Variants in DISC1 observed in about 807,000 individuals in gnomAD.
DISC1 encodes DISC1 scaffold protein.
A neutral mutation model predicts 84.5 loss-of-function variants in DISC1; 57 were observed. That is an observed-to-expected ratio of 0.67 (90% CI 0.55 to 0.84). The LOEUF (loss-of-function observed/expected upper bound fraction) is 0.84. Ranked by LOEUF, DISC1 falls within the 40% of genes least tolerant of loss-of-function variation. DISC1 has a pLI of 0.00. For missense variants in DISC1, 1,000 were observed against 1,057.8 expected (o/e 0.95, Z 0.76); for synonymous variants, 411 against 415.2 (o/e 0.99, Z 0.12).
intron 10 of DISC1, among the ~76,000 whole-genome samples, chr1:231,982,361 C>G (rs1247969866): frequency 6.6e-6 from 1 of 152,060 alleles, no homozygotes; most frequent in Non-Finnish European, 1.5e-5. Context: ...TTCTCCTTCC[C>G]TCTTTCTTTT....
rs73093410 is a variant in DISC1, at chr1:231,849,753, A to G, written c.1981+31236A>G. 2.5e-3 allele frequency among the ~76,000 whole-genome samples: 381 copies of G among 152,294 alleles called. 2 individuals are homozygous for G. Among genetic ancestry groups the G allele is most frequent in the African/African-American group, 8.6e-3 (356 of 41,564 alleles). On this transcript the variant is annotated intron_variant, in intron 9 of 12. Coordinates refer to ENST00000439617, the MANE Select transcript of DISC1 (RefSeq NM_018662.3). Reference sequence around the variant, plus strand: ...AGTCGGATACCTTTTCTGATCCTCAATATAACCTTTGTCTTCTCACCACCA... The same window carrying G: ...AGTCGGATACCTTTTCTGATCCTCAGTATAACCTTTGTCTTCTCACCACCA...
chr1:231,651,607 C>T (rs1324194512), intron 1 of DISC1, among the ~76,000 whole-genome samples: 4 of 152,222 alleles, frequency 2.6e-5, no homozygotes, highest in African/African-American at 9.6e-5. Context: ...GGGAGAACCA[C>T]TGCTCTCTTC....
At chr1:231,965,948 T>C (rs1475305109) in intron 10 of DISC1, among the ~76,000 whole-genome samples, 1 of 152,220 alleles carries the variant, frequency 6.6e-6, no homozygotes, top group Non-Finnish European at 1.5e-5. Flanking sequence ...GTGAGCTCCT[T>C]GTAGATGGAG....
intron 6 of DISC1, among the ~76,000 whole-genome samples, chr1:231,780,304 T>C (rs1213197875): frequency 6.7e-6 from 1 of 149,094 alleles, no homozygotes; most frequent in Non-Finnish European, 1.5e-5. Context: ...TCTAAATTGA[T>C]AAATTGTGTG....
chr1:232,032,308 C>T (rs999113277), intron 12 of DISC1, among the ~76,000 whole-genome samples: 2 of 152,170 alleles, frequency 1.3e-5, no homozygotes, highest in Non-Finnish European at 2.9e-5. Context: ...CAGTAAAACA[C>T]TCAATTGTTT....
chr1:231,642,820 G>A (rs115763270), intron 1 of DISC1, among the ~76,000 whole-genome samples: 3,866 of 152,266 alleles, frequency 0.025, 169 homozygotes, highest in African/African-American at 0.088. Flanking sequence ...GTTCAGCTCA[G>A]CAGAGCGTCT....
intron 9 of DISC1, among the ~76,000 whole-genome samples, chr1:231,878,436 G>T (rs1274203143): frequency 2.6e-5 from 4 of 152,160 alleles, no homozygotes; most frequent in African/African-American, 9.7e-5. Context: ...AAGACTGCAA[G>T]GCCGCAGGGG....
At chr1:231,960,245 CTTAT>C (rs541805835) in intron 10 of DISC1, among the ~76,000 whole-genome samples, 9 of 151,972 alleles carry the variant, frequency 5.9e-5, no homozygotes, top group South Asian at 2.1e-4. Context: ...TTACCTTCTT[CTTAT>C]TTATTTATTT....
chr1:231,802,258 G>A (rs1177258030), intron 8 of DISC1, among the ~76,000 whole-genome samples: 1 of 152,096 alleles, frequency 6.6e-6, no homozygotes, highest in African/African-American at 2.4e-5. Context: ...TGGATCATGA[G>A]GGCGGTTTCC....
At position 231,740,716 on chromosome 1, in the gene DISC1, G is replaced by A. The variant is rs373693983; in HGVS notation, c.1118-9210G>A. The stretch of plus-strand genomic sequence containing the variant: ...ATATAATGAGATATCTTCAGGATAG[G>A]ACCCAAGCCTATACATGAAATTCAT... On this transcript the variant is annotated intron_variant, in intron 3 of 12. Transcript: ENST00000439617. 2.3e-3 allele frequency among the ~76,000 whole-genome samples: 356 copies of A among 152,260 alleles called. 3 individuals are homozygous for A. The highest frequency in any genetic ancestry group is 8.4e-3 in the African/African-American group (347 of 41,556).
Position 231,710,982 on chromosome 1 carries a change from A to G in DISC1, c.1117+8958A>G, listed in dbSNP as rs531262868. ...AAAATTTGAATAATTTAGTTTGACT[A>G]TCTGTGGTCATTGTGGTCATATGTA... On this transcript the variant is annotated intron_variant, in intron 3 of 12. Coordinates refer to ENST00000439617, the MANE Select transcript of DISC1 (RefSeq NM_018662.3). Among the ~76,000 whole-genome samples the G allele has an allele frequency of 2.6e-4, 40 of 152,296 alleles. No individual in the cohort carries two copies. In the South Asian group the frequency reaches 4.3e-3, roughly 17 times the overall value.
Position 231,675,851 on chromosome 1 carries a change from CTT to C in DISC1, c.68-17960_68-17959del, listed in dbSNP as rs201559788. ...GTATATTGTATTTGTTTTTTCTTTT[CTT>C]TTTTTTTTTTTTTTGACACAGAATT... is the stretch of plus-strand genomic sequence containing the variant. On this transcript the variant is annotated intron_variant, in intron 1 of 12. Transcript: ENST00000439617. The surrounding 1 kb of genome is among the most constrained non-coding windows in gnomAD (Gnocchi z 4.1). 4.5e-4 allele frequency among the ~76,000 whole-genome samples: 62 copies of C among 137,578 alleles called. No individual in the cohort carries two copies. The highest frequency in any genetic ancestry group is 8.0e-4 in the African/African-American group (30 of 37,450). 90.3% of individuals were successfully genotyped at this position (137,578 alleles called of 152,430 possible).
At chr1:231,957,855 G>A (rs573388634) in intron 9 of DISC1, among the ~76,000 whole-genome samples, 1 of 152,266 alleles carries the variant, frequency 6.6e-6, no homozygotes, top group African/African-American at 2.4e-5. Context: ...TGAAATAGAA[G>A]TCTAAGAATC....
intron 10 of DISC1, among the ~76,000 whole-genome samples, chr1:232,002,130 AAC>A (rs1240158088): frequency 1.3e-5 from 2 of 152,202 alleles, no homozygotes; most frequent in Non-Finnish European, 2.9e-5. Flanking sequence ...AAAGATAGTC[AAC>A]ATCATTAGAA....
At chr1:231,827,768 T>C (rs1029439961) in intron 9 of DISC1, among the ~76,000 whole-genome samples, 2 of 152,180 alleles carry the variant, frequency 1.3e-5, no homozygotes, top group South Asian at 2.1e-4. Flanking sequence ...CCACTTTCCA[T>C]TGAGGCTTTT....
intron 9 of DISC1, among the ~76,000 whole-genome samples, chr1:231,876,166 G>A (rs35550183): frequency 6.6e-6 from 1 of 152,178 alleles, no homozygotes; most frequent in South Asian, 2.1e-4. Context: ...TGGATCATGA[G>A]GGTGGATCCT....
At chr1:231,745,157 T>C (rs1219102078) in intron 3 of DISC1, among the ~76,000 whole-genome samples, 3 of 152,174 alleles carry the variant, frequency 2.0e-5, no homozygotes, top group Admixed American at 2.0e-4. Flanking sequence ...ATAGCGATGC[T>C]TCAGTACATA....
chr1:231,640,738 G>C (rs1002993402), intron 1 of DISC1, among the ~76,000 whole-genome samples: 1 of 151,958 alleles, frequency 6.6e-6, no homozygotes, highest in Admixed American at 6.5e-5. Flanking sequence ...ATCTCCCTAT[G>C]TTACCCGGGC....
chr1:231,875,059 G>T (rs1393605008), intron 9 of DISC1, among the ~76,000 whole-genome samples: 2 of 152,178 alleles, frequency 1.3e-5, no homozygotes, highest in Non-Finnish European at 2.9e-5. Context: ...TGGCCATCTG[G>T]TTCTCTGCCA....
Sources: allele counts gnomAD v4.1 joint callset (sites outside exome capture counted in the v4.1 genomes callset), GRCh38; gene constraint gnomAD v4.1.1; non-coding constraint Gnocchi (gnomAD v3.1); transcripts MANE v1.5; gene names NCBI Gene and HGNC (gene_info 2026-07-23, HGNC 2026-07-21).